The following SVEP1 variants were observed in gnomAD, a reference collection of about 807,000 sequenced individuals.
The protein encoded by SVEP1 is sushi, von Willebrand factor type A, EGF and pentraxin domain containing 1.
SVEP1 carries 164 observed loss-of-function variants against 367.3 expected under a neutral mutation model. The observed-to-expected ratio is 0.45, with a 90% CI of 0.39 to 0.51. SVEP1 has a LOEUF of 0.51. Among genes scored for constraint, SVEP1 ranks in the 20% least tolerant of loss-of-function variants. The probability of loss-of-function intolerance (pLI) is 0.00; values close to 1 mark genes in which losing one functional copy is unlikely to be tolerated. For synonymous variants in SVEP1, 1,666 were observed against 1,611.6 expected, an observed-to-expected ratio of 1.03 and a Z score of -0.81; for missense variants, 4,117 against 4,425.3, an observed-to-expected ratio of 0.93 and a Z score of 1.98.
At chr9:110,486,427 G>A (rs1391240137) in intron 9 of SVEP1, among the ~76,000 whole-genome samples, 1 of 152,140 alleles carries the variant, frequency 6.6e-6, no homozygotes, top group African/African-American at 2.4e-5. Flanking sequence ...ATACTCTGTG[G>A]CAGCCAAGGA....
rs1298968161 is a variant in SVEP1, at chr9:110,379,521, C to T, written c.10238-4G>A. The T allele has an allele frequency of 1.7e-5, 28 of 1,613,294 alleles. No individual in the cohort carries two copies. The highest frequency in any genetic ancestry group is 2.3e-5 in the Non-Finnish European group (27 of 1,179,638). On this transcript the variant is annotated splice_polypyrimidine_tract_variant and splice_region_variant and intron_variant, in intron 43 of 47. Coordinates refer to ENST00000374469, the MANE Select transcript of SVEP1 (RefSeq NM_153366.4). ...GCTGGTGGACCACATGAGATTTCTACAGGATAACAAAACAACAATTAAGCT... is the reference window on the plus strand; with the variant it reads ...GCTGGTGGACCACATGAGATTTCTATAGGATAACAAAACAACAATTAAGCT...
intron 32 of SVEP1, 44 bp from the exon 33 acceptor site, chr9:110,430,494 C>CA: frequency 6.5e-7 from 1 of 1,547,668 alleles, no homozygotes; most frequent in Non-Finnish European, 8.8e-7. Context: ...GGCTTTCACA[C>CA]AACCATGCAA....
intron 27 of SVEP1, chr9:110,442,424 G>A (rs1446031198): frequency 1.3e-5 from 2 of 151,352 alleles, no homozygotes; most frequent in African/African-American, 4.9e-5. Flanking sequence ...TAGTATTAAA[G>A]TGAAACAATA....
At chr9:110,554,373 A>G (rs1830329616) in intron 1 of SVEP1, among the ~76,000 whole-genome samples, 1 of 152,224 alleles carries the variant, frequency 6.6e-6, no homozygotes, top group Non-Finnish European at 1.5e-5. Flanking sequence ...ACTGGCAGAT[A>G]CACAAAAATG....
chr9:110,445,345 T>C (rs1456054143), intron 26 of SVEP1, among the ~76,000 whole-genome samples: 1 of 152,158 alleles, frequency 6.6e-6, no homozygotes, highest in Admixed American at 6.5e-5. Context: ...AAAAAAAATA[T>C]GCACACTGAG....
At chr9:110,418,904 C>T (rs562097841) in intron 36 of SVEP1, among the ~76,000 whole-genome samples, 1 of 109,560 alleles carries the variant, frequency 9.1e-6, no homozygotes, top group Non-Finnish European at 2.0e-5. Context: ...ACTTTATAGA[C>T]AAGCAAATGC....
Position 110,579,437 on chromosome 9 carries a change from G to A in SVEP1, c.107C>T (p.Pro36Leu). 8 of 1,592,974 alleles carry A rather than the reference G, an allele frequency of 5.0e-6. No homozygotes were observed. The highest frequency in any genetic ancestry group is 6.8e-6 in the Non-Finnish European group (8 of 1,170,868). ...PSRNFSFRLF[P>L]ETAPGAPGSI... ...CCCGGGGGCCCCGGGCGCGGTCTCG[G>A]GGAAGAGGCGGAAGCTGAAATTGCG... Residue 36 changes from proline (P) to leucine (L), a missense_variant, in exon 1 of 48, where the codon CCC (proline) becomes CTC (leucine). Around this residue, in one of 4 missense-constraint regions of SVEP1, gnomAD observed 161 missense variants for 122.4 expected, o/e 1.32. Coordinates refer to ENST00000374469, the MANE Select transcript of SVEP1 (RefSeq NM_153366.4). The surrounding 1 kb of genome is among the most constrained non-coding windows in gnomAD (Gnocchi z 5.3).
At chr9:110,443,741 G>T in intron 26 of SVEP1, 21 bp from the exon 27 acceptor site, 1 of 1,551,858 alleles carries the variant, frequency 6.4e-7, no homozygotes. Flanking sequence ...AAAGATTCCA[G>T]GGAATGTAGT....
intron 40 of SVEP1, among the ~76,000 whole-genome samples, chr9:110,393,332 T>C (rs891268538): frequency 2.6e-5 from 4 of 152,332 alleles, no homozygotes; most frequent in African/African-American, 9.6e-5. Context: ...TATCATATGA[T>C]AATTCTTGTA....
intron 13 of SVEP1, among the ~76,000 whole-genome samples, chr9:110,478,927 C>CT (rs113223424): frequency 0.058 from 6,068 of 103,766 alleles, 328 homozygotes; most frequent in African/African-American, 0.19. Flanking sequence ...CTTTCTTCTT[C>CT]TTTTTTTTTT....
chr9:110,453,740 G>A (rs1588061105), intron 22 of SVEP1, among the ~76,000 whole-genome samples: 1 of 152,170 alleles, frequency 6.6e-6, no homozygotes, highest in South Asian at 2.1e-4. Flanking sequence ...ATGGTGGCAT[G>A]CGCCTGTAGT....
At position 110,383,819 on chromosome 9, in the gene SVEP1, C is replaced by T. The variant is rs529251180; in HGVS notation, c.10237+2079G>A. ...CTGGCTGGAGTTGCTGAAATTCCCGCAGGGAGGTCCTGCTTAGCGAGGAGG... is the reference window on the plus strand; with the variant it reads ...CTGGCTGGAGTTGCTGAAATTCCCGTAGGGAGGTCCTGCTTAGCGAGGAGG... On this transcript the variant is annotated intron_variant, in intron 43 of 47. Coordinates refer to ENST00000374469, the MANE Select transcript of SVEP1 (RefSeq NM_153366.4). Among the ~76,000 whole-genome samples the T allele has an allele frequency of 2.1e-3, 320 of 151,726 alleles. 1 individual carries two copies. Among genetic ancestry groups the T allele is most frequent in the African/African-American group, 7.3e-3 (303 of 41,270 alleles).
chr9:110,514,198 A>G (rs758950013), intron 3 of SVEP1, 92 bp from the exon 4 acceptor site: 1 of 1,490,082 alleles, frequency 6.7e-7, no homozygotes, highest in Non-Finnish European at 9.2e-7. Flanking sequence ...AGAGAAAGCC[A>G]AACAATAGTT....
intron 40 of SVEP1, among the ~76,000 whole-genome samples, chr9:110,393,053 C>A (rs1827689274): frequency 6.6e-6 from 1 of 152,158 alleles, no homozygotes; most frequent in African/African-American, 2.4e-5. Context: ...GGAGTGAGAG[C>A]AATCACTATT....
intron 22 of SVEP1, among the ~76,000 whole-genome samples, chr9:110,453,262 T>G (rs1828723289): frequency 6.6e-6 from 1 of 152,118 alleles, no homozygotes; most frequent in African/African-American, 2.4e-5. Context: ...ATCTCAGTAC[T>G]CTCCATAATA....
At chr9:110,423,094 C>A (rs1427136222) in intron 36 of SVEP1, among the ~76,000 whole-genome samples, 1 of 123,210 alleles carries the variant, frequency 8.1e-6, no homozygotes, top group Admixed American at 9.0e-5. Context: ...ACAATGTGCA[C>A]GTGTACCCTA....
At chr9:110,455,338 A>AGATGGGAACACG (rs1281995655) in intron 22 of SVEP1, among the ~76,000 whole-genome samples, 1 of 152,240 alleles carries the variant, frequency 6.6e-6, no homozygotes, top group African/African-American at 2.4e-5. Flanking sequence ...TAGCTGGCAA[A>AGATGGGAACACG]GATGGGAACA....
In SVEP1 at chr9:110,389,556, C is replaced by A. The variant is rs370695796; in HGVS notation, c.9854G>T (p.Arg3285Ile). 6.2e-7 allele frequency: 1 copy of A among 1,613,788 alleles called. No individual in the cohort carries two copies. The highest frequency in any genetic ancestry group is 1.1e-5 in the South Asian group (1 of 91,070). The change falls in exon 41 of 48, where the codon AGA (arginine) becomes ATA (isoleucine). Residue 3285 changes from arginine to isoleucine, a missense_variant. Arg to Ile is a moderately conservative substitution (Grantham distance 97, BLOSUM62 -3). Transcript: ENST00000374469. ...GNRERVCQEN[R>I]QWSGGVAICK... ...TATTGCCACCCCTCCACTCCACTGT[C>A]TGTTCTCCTGGCAGACACGTTCCCT...
intron 2 of SVEP1, among the ~76,000 whole-genome samples, chr9:110,546,930 T>C (rs989753768): frequency 6.6e-6 from 1 of 152,202 alleles, no homozygotes; most frequent in Admixed American, 6.5e-5. Flanking sequence ...TGACCCAGAA[T>C]GGATGGCCTA....
Sources: gnomAD v4.1 joint callset for allele counts (sites outside exome capture counted in the v4.1 genomes callset) on GRCh38, gnomAD v4.1.1 for gene constraint, gnomAD v4.1.1 regional missense constraint, Gnocchi (gnomAD v3.1) non-coding constraint, MANE v1.5 for transcripts, NCBI Gene and HGNC (gene_info 2026-07-23, HGNC 2026-07-21) for gene names.